Variants in CTNNA3 observed in about 807,000 individuals in gnomAD.
The protein encoded by CTNNA3 is catenin alpha-3.
A neutral mutation model predicts 95.7 loss-of-function variants in CTNNA3; 76 were observed. The observed-to-expected ratio is 0.79, with a 90% CI of 0.66 to 0.96. The LOEUF (loss-of-function observed/expected upper bound fraction) is 0.96, where lower values mean the gene tolerates loss of function less well. Ranked by LOEUF, CTNNA3 falls within the 40% of genes least tolerant of loss-of-function variation. The pLI is 0.00. For missense variants in CTNNA3, 1,191 were observed against 1,089.8 expected (o/e 1.09, Z -1.31); for synonymous variants, 431 against 374.4 (o/e 1.15, Z -1.74).
intron 11 of CTNNA3, among the ~76,000 whole-genome samples, chr10:66,502,295 T>A (rs1408150656): frequency 6.6e-6 from 1 of 152,112 alleles, no homozygotes; most frequent in Non-Finnish European, 1.5e-5. Flanking sequence ...ATCTCTCTGT[T>A]CCCCAGGCAC....
At chr10:67,282,008 T>C (rs1488541999) in intron 5 of CTNNA3, among the ~76,000 whole-genome samples, 3 of 152,292 alleles carry the variant, frequency 2.0e-5, no homozygotes, top group South Asian at 2.1e-4. Context: ...TTGCCAATCA[T>C]TGTGGCCAAT....
rs567800182 is a variant in CTNNA3 at position 66,422,828 on chromosome 10, C to T, written c.1532-43476G>A. Reference sequence around the variant, plus strand: ...TATTTTTAGTAGAGATGGGGTTTCGCCATGTTGGTCAGGCTGGTCTTGAAC... The same window carrying T: ...TATTTTTAGTAGAGATGGGGTTTCGTCATGTTGGTCAGGCTGGTCTTGAAC... On this transcript the variant is annotated intron_variant, in intron 11 of 17. Transcript: ENST00000433211. Among the ~76,000 whole-genome samples, 4 of 151,732 alleles carry T rather than the reference C, an allele frequency of 2.6e-5. No individual in the cohort carries two copies. In the South Asian group the frequency reaches 6.3e-4, roughly 24 times the overall value.
intron 5 of CTNNA3, among the ~76,000 whole-genome samples, chr10:67,480,784 A>G (rs1279036555): frequency 6.6e-6 from 1 of 152,004 alleles, no homozygotes; most frequent in African/African-American, 2.4e-5. Context: ...CCCACTTTGT[A>G]CTCTATTTCT....
intron 5 of CTNNA3, among the ~76,000 whole-genome samples, chr10:67,297,903 A>C (rs966145927): frequency 1.3e-5 from 2 of 152,238 alleles, no homozygotes; most frequent in African/African-American, 4.8e-5. Context: ...CAGATAAGAA[A>C]TCTGGCCATG....
intron 11 of CTNNA3, among the ~76,000 whole-genome samples, chr10:66,486,793 A>T (rs1031718125): frequency 6.6e-6 from 1 of 151,878 alleles, no homozygotes; most frequent in African/African-American, 2.4e-5. Context: ...ACAACCACTC[A>T]TCAACAGACG....
At chr10:66,702,731 T>TAAGTAG (rs1847990899) in intron 9 of CTNNA3, among the ~76,000 whole-genome samples, 1 of 57,746 alleles carries the variant, frequency 1.7e-5, no homozygotes, top group Non-Finnish European at 2.9e-5. Flanking sequence ...AAAAAAAGAA[T>TAAGTAG]AAGTAGTAGT....
chr10:66,510,628 G>T (rs1037145756), intron 11 of CTNNA3, among the ~76,000 whole-genome samples: 3 of 151,574 alleles, frequency 2.0e-5, no homozygotes, highest in Non-Finnish European at 3.0e-5. Context: ...TTTATTAAAA[G>T]ATTTTTCTGT....
intron 1 of CTNNA3, among the ~76,000 whole-genome samples, chr10:67,706,661 C>A (rs997063270): frequency 7.9e-5 from 12 of 151,926 alleles, no homozygotes; most frequent in South Asian, 4.2e-4. Flanking sequence ...GACAAGCAGG[C>A]CTTTAAAGAA....
chr10:66,167,235 AC>A (rs1218218783), intron 13 of CTNNA3, among the ~76,000 whole-genome samples: 1 of 152,188 alleles, frequency 6.6e-6, no homozygotes, highest in Non-Finnish European at 1.5e-5. Context: ...AGGTAATTCC[AC>A]CTTTCTGCCA....
chr10:66,031,814 G>T (rs1393977936), intron 15 of CTNNA3, among the ~76,000 whole-genome samples: 1 of 152,172 alleles, frequency 6.6e-6, no homozygotes, highest in Non-Finnish European at 1.5e-5. Context: ...GTCAGAAAAG[G>T]ATTAAAAATG....
At chr10:66,267,272 A>G (rs927810829) in intron 13 of CTNNA3, among the ~76,000 whole-genome samples, 5 of 152,090 alleles carry the variant, frequency 3.3e-5, no homozygotes, top group Non-Finnish European at 7.4e-5. Context: ...ACTGGCGTCC[A>G]GGTACCCTTC....
chr10:67,649,190 A>G (rs556195349), intron 1 of CTNNA3, among the ~76,000 whole-genome samples: 4 of 152,348 alleles, frequency 2.6e-5, no homozygotes, highest in African/African-American at 7.2e-5. Flanking sequence ...CTTTCATCTG[A>G]AGGACAAAAG....
chr10:66,617,915 T>C (rs1280383143), intron 10 of CTNNA3, among the ~76,000 whole-genome samples: 1 of 151,202 alleles, frequency 6.6e-6, no homozygotes, highest in Admixed American at 6.6e-5. Context: ...TATACACCAA[T>C]AACAGACAAA....
chr10:66,846,467 CCACACACACACACACA>C (rs34923400), intron 7 of CTNNA3, among the ~76,000 whole-genome samples: 1 of 147,614 alleles, frequency 6.8e-6, no homozygotes, highest in African/African-American at 2.5e-5. Context: ...AATGTTCTCA[CCACACACACACACACA>C]CACACACACA....
intron 9 of CTNNA3, among the ~76,000 whole-genome samples, chr10:66,642,693 CAG>C (rs1221652138): frequency 6.6e-6 from 1 of 152,074 alleles, no homozygotes; most frequent in Non-Finnish European, 1.5e-5. Flanking sequence ...TAAAAGCCTA[CAG>C]TTACCAATAA....
intron 12 of CTNNA3, among the ~76,000 whole-genome samples, chr10:66,349,676 A>G (rs1267303764): frequency 6.6e-6 from 1 of 152,132 alleles, no homozygotes. Flanking sequence ...TTTCCATGAG[A>G]AAAATACCCA....
chr10:67,629,487 C>G (rs1158893352), intron 2 of CTNNA3, among the ~76,000 whole-genome samples: 1 of 152,128 alleles, frequency 6.6e-6, no homozygotes, highest in African/African-American at 2.4e-5. Flanking sequence ...AATTCAGAGA[C>G]TTCAAAATTT....
At chr10:67,374,016 T>C (rs1328140647) in intron 5 of CTNNA3, among the ~76,000 whole-genome samples, 2 of 152,206 alleles carry the variant, frequency 1.3e-5, no homozygotes, top group Non-Finnish European at 2.9e-5. Context: ...TAGCAAATGG[T>C]AGAACTTTTG....
At chr10:66,494,172 T>A in intron 11 of CTNNA3, among the ~76,000 whole-genome samples, 1 of 152,082 alleles carries the variant, frequency 6.6e-6, no homozygotes, top group East Asian at 1.9e-4. Context: ...CCTCCCAAAG[T>A]GCTGGGATTA....
Sources: allele counts gnomAD v4.1 joint callset (sites outside exome capture counted in the v4.1 genomes callset), GRCh38; gene constraint gnomAD v4.1.1; transcripts MANE v1.5; gene names NCBI Gene and HGNC (gene_info 2026-07-23, HGNC 2026-07-21).